Variants in WDR7 observed in about 807,000 individuals in gnomAD.
The protein encoded by WDR7 is WD repeat domain 7.
Under a neutral mutation model 169.4 loss-of-function variants are expected in WDR7, and 46 were observed. The observed-to-expected ratio is 0.27, with a 90% confidence interval of 0.21 to 0.35. The LOEUF (loss-of-function observed/expected upper bound fraction) is 0.35, where lower values mean the gene tolerates loss of function less well. Ranked by LOEUF, WDR7 falls within the 10% of genes least tolerant of loss-of-function variation. The probability of loss-of-function intolerance (pLI) is 1.00; values close to 1 mark genes in which losing one functional copy is unlikely to be tolerated. For missense variants in WDR7, 1,534 were observed against 1,859.3 expected (o/e 0.83, Z 3.22); for synonymous variants, 612 against 666.8 (o/e 0.92, Z 1.27).
At chr18:56,812,850 ACACTGACTCACAC>A (rs1232701669) in intron 19 of WDR7, among the ~76,000 whole-genome samples, 1 of 152,092 alleles carries the variant, frequency 6.6e-6, no homozygotes, top group African/African-American at 2.4e-5. Flanking sequence ...CCCACTCAGT[ACACTGACTCACAC>A]ACCAGTCTCC....
intron 14 of WDR7, among the ~76,000 whole-genome samples, chr18:56,747,843 A>G (rs1247300302): frequency 6.6e-6 from 1 of 152,166 alleles, no homozygotes; most frequent in African/African-American, 2.4e-5. Flanking sequence ...CACGAGCATG[A>G]ACATTTCTGA....
At chr18:56,858,990 G>A (rs1386171405) in intron 20 of WDR7, among the ~76,000 whole-genome samples, 4 of 152,202 alleles carry the variant, frequency 2.6e-5, no homozygotes, top group South Asian at 2.1e-4. Flanking sequence ...TGAAGAAGAC[G>A]GTGGCCATGA....
chr18:56,671,402 G>A (rs1021745360), intron 1 of WDR7, among the ~76,000 whole-genome samples: 1 of 151,390 alleles, frequency 6.6e-6, no homozygotes, highest in Non-Finnish European at 1.5e-5. Context: ...CTCTCAAGTA[G>A]CTGGGTTTAC....
At chr18:56,698,356 C>T (rs1415865929) in intron 12 of WDR7, among the ~76,000 whole-genome samples, 2 of 151,994 alleles carry the variant, frequency 1.3e-5, no homozygotes, top group African/African-American at 2.4e-5. Context: ...CCTGTAATCC[C>T]AGCACTTTGG....
chr18:56,871,128 C>T (rs2045946817), intron 20 of WDR7, among the ~76,000 whole-genome samples: 1 of 152,114 alleles, frequency 6.6e-6, no homozygotes, highest in Admixed American at 6.5e-5. Flanking sequence ...ATGATGTGCT[C>T]AGACTATTTA....
chr18:56,981,109 GTGAAAA>G, intron 26 of WDR7, among the ~76,000 whole-genome samples: 1 of 152,272 alleles, frequency 6.6e-6, no homozygotes, highest in South Asian at 2.1e-4. Context: ...TATGAAGACA[GTGAAAA>G]TTGGGAGAAA....
At chr18:57,006,572 C>G (rs2048060988) in intron 26 of WDR7, among the ~76,000 whole-genome samples, 1 of 152,164 alleles carries the variant, frequency 6.6e-6, no homozygotes, top group African/African-American at 2.4e-5. Context: ...ATATCTCCCA[C>G]TTTAAGAACA....
At chr18:56,963,937 G>GA (rs1330901584) in intron 26 of WDR7, among the ~76,000 whole-genome samples, 447 of 137,536 alleles carry the variant, frequency 3.3e-3, no homozygotes, top group African/African-American at 7.8e-3. Context: ...ACCAGGTAAA[G>GA]AAAAAAAAAA....
intron 12 of WDR7, among the ~76,000 whole-genome samples, chr18:56,711,068 T>C (rs989404650): frequency 3.3e-5 from 5 of 151,984 alleles, no homozygotes; most frequent in African/African-American, 1.2e-4. Context: ...CTTTTTTTTT[T>C]CCTCTCCAAG....
At chr18:57,015,887 G>A (rs2048198987) in intron 26 of WDR7, among the ~76,000 whole-genome samples, 1 of 152,114 alleles carries the variant, frequency 6.6e-6, no homozygotes, top group Non-Finnish European at 1.5e-5. Context: ...TTGAATTTCT[G>A]ACCTGTCTTA....
intron 12 of WDR7, among the ~76,000 whole-genome samples, chr18:56,700,458 T>C (rs1480274325): frequency 6.6e-6 from 1 of 151,880 alleles, no homozygotes; most frequent in Admixed American, 6.6e-5. Context: ...GGTTTCACCA[T>C]GTTGGCCAGG....
chr18:56,744,245 GAAAA>G (rs58110613), intron 14 of WDR7, among the ~76,000 whole-genome samples: 2,942 of 86,884 alleles, frequency 0.034, 29 homozygotes, highest in Non-Finnish European at 0.048. Flanking sequence ...TCTCAAAAAA[GAAAA>G]AAAAAAAAAA....
chr18:56,752,218 T>G lies in WDR7; in HGVS notation c.1990-4365T>G, dbSNP rs556654092. Among the ~76,000 whole-genome samples the G allele has an allele frequency of 1.4e-4, 21 of 152,296 alleles. No homozygotes were observed. The South Asian group carries it at 4.1e-3, about 30-fold the overall frequency. On this transcript the variant is annotated intron_variant, in intron 14 of 27. Transcript: ENST00000254442. ...CTGAGAAAAATACTGCTTTAGTGGC[T>G]CCCGAGCCTGCAGGATAAAGCCATG... is the stretch of plus-strand genomic sequence containing the variant.
At chr18:56,748,992 A>C (rs1286371908) in intron 14 of WDR7, among the ~76,000 whole-genome samples, 1 of 151,754 alleles carries the variant, frequency 6.6e-6, no homozygotes, top group African/African-American at 2.4e-5. Flanking sequence ...AAAATATTTA[A>C]TATTGAAACA....
At chr18:56,694,564 TGAAATATTTTGATTAA>T (rs2025655064) in intron 9 of WDR7, 39 bp from the exon 10 acceptor site, 1 of 1,527,450 alleles carries the variant, frequency 6.5e-7, no homozygotes, top group African/African-American at 1.4e-5. Context: ...CATTAATGTG[TGAAATATTTTGATTAA>T]AAATACAGCT....
chr18:56,823,296 A>G lies in WDR7; in HGVS notation c.3304+7152A>G, dbSNP rs140742804. Among the ~76,000 whole-genome samples the G allele has an allele frequency of 1.6e-3, 247 of 152,300 alleles. 1 individual carries two copies. The highest frequency in any genetic ancestry group is 6.9e-3 in the Admixed American group (106 of 15,298). On this transcript the variant is annotated intron_variant, in intron 20 of 27. Transcript: ENST00000254442. The stretch of plus-strand genomic sequence containing the variant: ...AAATACCAAGTGCAAAAGGAGCTAT[A>G]GGCCAGTTCGGTGGCTAGTGCCTGT...
At chr18:56,718,737 T>G (rs1305693184) in intron 13 of WDR7, among the ~76,000 whole-genome samples, 4 of 152,250 alleles carry the variant, frequency 2.6e-5, no homozygotes, top group Admixed American at 6.5e-5. Context: ...AGTATATAAC[T>G]AAATGTTTAT....
At chr18:56,912,855 G>C (rs1268456010) in intron 21 of WDR7, among the ~76,000 whole-genome samples, 6 of 151,760 alleles carry the variant, frequency 4.0e-5, no homozygotes, top group Non-Finnish European at 7.4e-5. Context: ...TGAGCCATCT[G>C]TACATGTATT....
chr18:56,823,319 T>A (rs1420390203), intron 20 of WDR7, among the ~76,000 whole-genome samples: 1 of 152,210 alleles, frequency 6.6e-6, no homozygotes, highest in Admixed American at 6.5e-5. Context: ...GGCTAGTGCC[T>A]GTAATCCCAG....
Sources: gnomAD v4.1 joint callset for allele counts (sites outside exome capture counted in the v4.1 genomes callset) on GRCh38, gnomAD v4.1.1 for gene constraint, MANE v1.5 for transcripts, NCBI Gene and HGNC (gene_info 2026-07-23, HGNC 2026-07-21) for gene names.